The following DPYD variants were observed in gnomAD, a reference collection of about 807,000 sequenced individuals.
The protein encoded by DPYD is dihydropyrimidine dehydrogenase [NADP(+)].
Under a neutral mutation model 116.2 loss-of-function variants are expected in DPYD, and 109 were observed. That is an observed-to-expected ratio of 0.94 (90% CI 0.80 to 1.10). The LOEUF (loss-of-function observed/expected upper bound fraction) is 1.10, where lower values mean the gene tolerates loss of function less well. Among genes scored for constraint, DPYD ranks in the 50% least tolerant of loss-of-function variants. The pLI is 0.00. For missense variants in DPYD, 1,302 were observed against 1,254.5 expected (o/e 1.04, Z -0.57); for synonymous variants, 440 against 432.0 (o/e 1.02, Z -0.23).
At chr1:97,424,224 G>A (rs1674742128) in intron 14 of DPYD, among the ~76,000 whole-genome samples, 1 of 152,060 alleles carries the variant, frequency 6.6e-6, no homozygotes, top group African/African-American at 2.4e-5. Context: ...AAGGATATGT[G>A]AAAACCCATT....
At chr1:97,290,527 C>T (rs1449114205) in intron 18 of DPYD, among the ~76,000 whole-genome samples, 47 of 152,066 alleles carry the variant, frequency 3.1e-4, no homozygotes, top group East Asian at 1.2e-3. Context: ...TCAGAAATAA[C>T]ACCGCATATC....
chr1:97,487,062 A>C (rs1678680202), intron 13 of DPYD, among the ~76,000 whole-genome samples: 1 of 152,178 alleles, frequency 6.6e-6, no homozygotes, highest in Admixed American at 6.5e-5. Context: ...CATACTTTTT[A>C]AGAAATAAAA....
At chr1:97,810,956 C>T (rs1439605011) in intron 3 of DPYD, among the ~76,000 whole-genome samples, 1 of 152,078 alleles carries the variant, frequency 6.6e-6, no homozygotes, top group African/African-American at 2.4e-5. Flanking sequence ...AACTCCGTAC[C>T]CTCTGCGTTT....
intron 18 of DPYD, among the ~76,000 whole-genome samples, chr1:97,302,837 AC>A (rs1261138361): frequency 6.6e-6 from 1 of 152,056 alleles, no homozygotes; most frequent in Non-Finnish European, 1.5e-5. Context: ...AATGTTGATT[AC>A]AGTTCACTAA....
chr1:97,501,002 A>T (rs1679542958), intron 13 of DPYD, among the ~76,000 whole-genome samples: 1 of 151,952 alleles, frequency 6.6e-6, no homozygotes, highest in Admixed American at 6.6e-5. Context: ...ATTAGTCAAC[A>T]CCTCTCAGAT....
intron 20 of DPYD, among the ~76,000 whole-genome samples, chr1:97,141,364 C>G (rs919705254): frequency 6.6e-6 from 1 of 152,030 alleles, no homozygotes; most frequent in African/African-American, 2.4e-5. Context: ...CTTATTACTC[C>G]CCCTATCTAC....
intron 4 of DPYD, among the ~76,000 whole-genome samples, chr1:97,733,695 T>C (rs1042293496): frequency 1.3e-5 from 2 of 152,058 alleles, no homozygotes; most frequent in African/African-American, 4.8e-5. Flanking sequence ...ACATTGTAAT[T>C]ACTTTATTTC....
chr1:97,858,954 T>A lies in DPYD; in HGVS notation c.150+24310A>T, dbSNP rs1031268074. Reference sequence around the variant, plus strand: ...TGTTACAGTTCTATGAATTTACAATTCATAGAACTTAATTTAACTACTACT... The same window carrying A: ...TGTTACAGTTCTATGAATTTACAATACATAGAACTTAATTTAACTACTACT... On this transcript the variant is annotated intron_variant, in intron 2 of 22. Coordinates refer to ENST00000370192, the MANE Select transcript of DPYD (RefSeq NM_000110.4). 3.9e-5 allele frequency among the ~76,000 whole-genome samples: 6 copies of A among 152,090 alleles called. No homozygotes were observed. In the East Asian group the frequency reaches 1.2e-3, roughly 29 times the overall value.
At chr1:97,194,970 T>A (rs933847485) in intron 19 of DPYD, among the ~76,000 whole-genome samples, 1 of 152,096 alleles carries the variant, frequency 6.6e-6, no homozygotes, top group African/African-American at 2.4e-5. Context: ...GGGATTTGAG[T>A]TAAAGCTTGA....
At chr1:97,877,762 T>C (rs979143260) in intron 2 of DPYD, among the ~76,000 whole-genome samples, 5 of 151,956 alleles carry the variant, frequency 3.3e-5, no homozygotes, top group African/African-American at 1.2e-4. Context: ...CTTTGGAGCT[T>C]AAAAATAAAA....
chr1:97,484,479 T>C (rs1176588679), intron 13 of DPYD, among the ~76,000 whole-genome samples: 1 of 152,198 alleles, frequency 6.6e-6, no homozygotes, highest in Non-Finnish European at 1.5e-5. Context: ...CTGAAGATGG[T>C]AAATATTGGT....
At chr1:97,579,818 C>A (rs775239032) in intron 10 of DPYD, among the ~76,000 whole-genome samples, 2 of 152,130 alleles carry the variant, frequency 1.3e-5, no homozygotes, top group African/African-American at 4.8e-5. Context: ...CTATAAGGGT[C>A]CATTTTTTAC....
intron 19 of DPYD, among the ~76,000 whole-genome samples, chr1:97,201,724 T>C (rs1288155915): frequency 6.6e-6 from 1 of 152,130 alleles, no homozygotes. Context: ...ATGATGTCCC[T>C]ATATATTGCA....
intron 8 of DPYD, among the ~76,000 whole-genome samples, chr1:97,669,217 G>T (rs1178571097): frequency 6.6e-6 from 1 of 152,046 alleles, no homozygotes; most frequent in African/African-American, 2.4e-5. Context: ...TTTGAGATAG[G>T]AAAGTAAATA....
At chr1:97,099,046 C>T (rs1002417720) in intron 20 of DPYD, among the ~76,000 whole-genome samples, 1 of 152,048 alleles carries the variant, frequency 6.6e-6, no homozygotes, top group Middle Eastern at 3.2e-3. Flanking sequence ...ATGATATAGA[C>T]ACAGTTGTAG....
At chr1:97,251,391 TA>T (rs10581072) in intron 18 of DPYD, among the ~76,000 whole-genome samples, 18,447 of 95,190 alleles carry the variant, frequency 0.19, 1,315 homozygotes, top group South Asian at 0.44. Flanking sequence ...AAACTCTGTC[TA>T]AAAAAAAAAA....
In DPYD at chr1:97,549,771, A is replaced by G. The variant is rs1466072157; in HGVS notation, c.1340-27T>C. 3 of 1,583,644 alleles carry G rather than the reference A, an allele frequency of 1.9e-6. No homozygotes were observed. In the African/African-American group the frequency reaches 4.0e-5, roughly 21 times the overall value. ...TGAAAAAACAAGTGAAAAACAATAGACAATCACTAGTCAACAGACAATTCC... is the reference window on the plus strand; with the variant it reads ...TGAAAAAACAAGTGAAAAACAATAGGCAATCACTAGTCAACAGACAATTCC... On this transcript the variant is annotated intron_variant, in intron 11 of 22. Coordinates refer to ENST00000370192, the MANE Select transcript of DPYD (RefSeq NM_000110.4).
At chr1:97,752,290 TCACA>T (rs146577982) in intron 3 of DPYD, among the ~76,000 whole-genome samples, 10,083 of 145,806 alleles carry the variant, frequency 0.069, 334 homozygotes, top group Middle Eastern at 0.14. Context: ...TAAACCTACT[TCACA>T]CACACACACA....
At chr1:97,703,115 T>C (rs980821199) in intron 5 of DPYD, among the ~76,000 whole-genome samples, 1 of 152,034 alleles carries the variant, frequency 6.6e-6, no homozygotes, top group South Asian at 2.1e-4. Flanking sequence ...TTGGTATCCC[T>C]TTGCCTGCTC....
Sources: gnomAD v4.1 joint callset for allele counts (sites outside exome capture counted in the v4.1 genomes callset) on GRCh38, gnomAD v4.1.1 for gene constraint, MANE v1.5 for transcripts, NCBI Gene and HGNC (gene_info 2026-07-23, HGNC 2026-07-21) for gene names.